AK9: variants seen among roughly 807,000 people sequenced by gnomAD.
The protein encoded by AK9 is adenylate kinase 9.
Under a neutral mutation model 239.6 loss-of-function variants are expected in AK9, and 191 were observed. The observed-to-expected ratio is 0.80, with a 90% CI of 0.71 to 0.90. AK9 has a LOEUF of 0.90. Ranked by LOEUF, AK9 falls within the 40% of genes least tolerant of loss-of-function variation. AK9 has a pLI of 0.00. For synonymous variants in AK9, 689 were observed against 721.0 expected (o/e 0.96, Z 0.71); for missense variants, 1,995 against 2,214.7 (o/e 0.90, Z 1.99).
intron 5 of AK9, among the ~76,000 whole-genome samples, chr6:109,664,624 C>T: frequency 6.6e-6 from 1 of 151,824 alleles, no homozygotes; most frequent in Non-Finnish European, 1.5e-5. Context: ...AGGGTTTCAC[C>T]ATGTTGGCCA....
intron 21 of AK9, among the ~76,000 whole-genome samples, chr6:109,569,095 G>T (rs563769789): frequency 1.3e-5 from 2 of 152,234 alleles, no homozygotes; most frequent in African/African-American, 4.8e-5. Context: ...TAGACCAGTG[G>T]AACAGAATAG....
At chr6:109,650,702 A>T (rs921342649) in intron 8 of AK9, among the ~76,000 whole-genome samples, 1 of 152,214 alleles carries the variant, frequency 6.6e-6, no homozygotes, top group Non-Finnish European at 1.5e-5. Context: ...AACTGGAAAT[A>T]CCATTTGACC....
At chr6:109,603,426 TC>T (rs1449429014) in intron 17 of AK9, among the ~76,000 whole-genome samples, 2 of 152,174 alleles carry the variant, frequency 1.3e-5, no homozygotes, top group East Asian at 3.9e-4. Flanking sequence ...TGATTGTTCC[TC>T]TGGAAGCTTC....
chr6:109,548,628 A>T (rs141674244), intron 25 of AK9, among the ~76,000 whole-genome samples: 1 of 152,350 alleles, frequency 6.6e-6, no homozygotes, highest in African/African-American at 2.4e-5. Context: ...CAGCAGAAAC[A>T]ATAGCCAAAA....
At chr6:109,633,613 T>C (rs1237950635) in intron 10 of AK9, among the ~76,000 whole-genome samples, 1 of 152,204 alleles carries the variant, frequency 6.6e-6, no homozygotes, top group Non-Finnish European at 1.5e-5. Context: ...TTCTATCATA[T>C]GGTAAAATAA....
In AK9 at chr6:109,576,420, C is replaced by CTTTTTTTTTTTTTTTTTTTTTTTT. The variant is rs3060763; in HGVS notation, c.2192-2827_2192-2826insAAAAAAAAAAAAAAAAAAAAAAAA. Among the ~76,000 whole-genome samples, 2 of 103,478 alleles carry CTTTTTTTTTTTTTTTTTTTTTTTT rather than the reference C, an allele frequency of 1.9e-5. 1 individual carries two copies. The highest frequency in any genetic ancestry group is 3.9e-5 in the Non-Finnish European group (2 of 51,216). 67.9% of individuals were successfully genotyped at this position (103,478 alleles called of 152,430 possible). ...GGTTAGGTGTATATACATATATATA[C>CTTTTTTTTTTTTTTTTTTTTTTTT]TTTTTTTTTTTTTTTTTGCAGCTGT... is the stretch of plus-strand genomic sequence containing the variant. On this transcript the variant is annotated intron_variant, in intron 20 of 40. Transcript: ENST00000424296.
At chr6:109,570,314 A>C (rs1388260469) in intron 21 of AK9, among the ~76,000 whole-genome samples, 1 of 152,078 alleles carries the variant, frequency 6.6e-6, no homozygotes, top group Non-Finnish European at 1.5e-5. Flanking sequence ...TAGCATTAGG[A>C]GGTATACCTA....
At position 109,560,455 on chromosome 6, in the gene AK9, A is replaced by AT. The variant is rs904255977; in HGVS notation, c.2751+3141dup. Among the ~76,000 whole-genome samples the AT allele has an allele frequency of 3.7e-3, 560 of 150,974 alleles. 3 individuals are homozygous for AT. Among genetic ancestry groups the AT allele is most frequent in the African/African-American group, 0.013 (530 of 41,172 alleles). ...TTATCAAGCTAAGGAAGTTCCCTTC[A>AT]TTTTTTTTTCTTACCAGTAATAGAT... is the stretch of plus-strand genomic sequence containing the variant. On this transcript the variant is annotated intron_variant, in intron 24 of 40. Transcript: ENST00000424296.
chr6:109,602,469 G>A (rs147643799), intron 17 of AK9, among the ~76,000 whole-genome samples: 1 of 152,036 alleles, frequency 6.6e-6, no homozygotes, highest in African/African-American at 2.4e-5. Context: ...GCTTCTCTTT[G>A]TGGGTAACCC....
intron 13 of AK9, among the ~76,000 whole-genome samples, chr6:109,617,187 T>TA (rs1794280313): frequency 6.6e-6 from 1 of 152,116 alleles, no homozygotes; most frequent in Non-Finnish European, 1.5e-5. Flanking sequence ...TGAGAAGATC[T>TA]AATAGTAAAT....
In AK9 at chr6:109,524,286, T is replaced by A. The variant is rs146418320; in HGVS notation, c.3633+4725A>T. On this transcript the variant is annotated intron_variant, in intron 29 of 40. Coordinates refer to ENST00000424296, the MANE Select transcript of AK9 (RefSeq NM_001145128.3). Reference sequence around the variant, plus strand: ...CCTTAAAGAAGAGAGAGAAAAAAGATGGAAAAAAATCAACAAAGTTCCCAG... The same window carrying A: ...CCTTAAAGAAGAGAGAGAAAAAAGAAGGAAAAAAATCAACAAAGTTCCCAG... Among the ~76,000 whole-genome samples the A allele has an allele frequency of 1.2e-3, 189 of 151,970 alleles. 2 individuals are homozygous for A. The East Asian group carries it at 0.025, about 20-fold the overall frequency.
intron 24 of AK9, among the ~76,000 whole-genome samples, chr6:109,559,719 T>G (rs1002526858): frequency 6.6e-6 from 1 of 152,224 alleles, no homozygotes; most frequent in African/African-American, 2.4e-5. Context: ...AGTAGCTTTT[T>G]TTGTTGATTC....
chr6:109,516,114 G>A, intron 30 of AK9, 39 bp from the exon 31 acceptor site: 1 of 1,477,466 alleles, frequency 6.8e-7, no homozygotes, highest in Non-Finnish European at 9.2e-7. Flanking sequence ...TATTTAGTGA[G>A]AAAAAGGCTG....
chr6:109,600,913 T>A (rs1337745728), intron 17 of AK9, among the ~76,000 whole-genome samples: 1 of 152,236 alleles, frequency 6.6e-6, no homozygotes, highest in Non-Finnish European at 1.5e-5. Context: ...TTCCGTGGGA[T>A]CAGTGGTGAT....
chr6:109,598,644 G>A (rs1481162297), intron 17 of AK9, among the ~76,000 whole-genome samples: 3 of 152,080 alleles, frequency 2.0e-5, no homozygotes, highest in Admixed American at 1.3e-4. Flanking sequence ...CTGAGGAATC[G>A]CCACACTGTC....
At chr6:109,653,949 A>T (rs9986423) in intron 8 of AK9, among the ~76,000 whole-genome samples, 88,594 of 151,984 alleles carry the variant, frequency 0.58, 27,506 homozygotes, top group East Asian at 0.84. Context: ...TTTGTGTACA[A>T]CAACAATGTT....
intron 17 of AK9, among the ~76,000 whole-genome samples, chr6:109,587,962 C>T (rs560133132): frequency 6.6e-6 from 1 of 152,222 alleles, no homozygotes; most frequent in East Asian, 1.9e-4. Flanking sequence ...TGTTTTTTGA[C>T]TTTGTAATAA....
At chr6:109,512,621 C>T (rs1347652967) in intron 32 of AK9, among the ~76,000 whole-genome samples, 1 of 152,186 alleles carries the variant, frequency 6.6e-6, no homozygotes, top group African/African-American at 2.4e-5. Context: ...TATCTCTCTT[C>T]TTTGTTCTCT....
intron 7 of AK9, among the ~76,000 whole-genome samples, chr6:109,658,288 A>C (rs528763862): frequency 6.6e-6 from 1 of 152,296 alleles, no homozygotes; most frequent in Non-Finnish European, 1.5e-5. Flanking sequence ...TTGCTAGCAC[A>C]CTGGCGTTCA....
Sources: allele counts gnomAD v4.1 joint callset (sites outside exome capture counted in the v4.1 genomes callset), GRCh38; gene constraint gnomAD v4.1.1; transcripts MANE v1.5; gene names NCBI Gene and HGNC (gene_info 2026-07-23, HGNC 2026-07-21).